KCNMA1: variants seen among roughly 807,000 people sequenced by gnomAD.
KCNMA1 encodes the protein potassium calcium-activated channel subfamily M alpha 1.
A neutral mutation model predicts 140.0 loss-of-function variants in KCNMA1; 29 were observed. That is an observed-to-expected ratio of 0.21 (90% CI 0.15 to 0.28). The LOEUF (loss-of-function observed/expected upper bound fraction) is 0.28. Among genes scored for constraint, KCNMA1 ranks in the 10% least tolerant of loss-of-function variants. KCNMA1 has a pLI of 1.00. For missense variants in KCNMA1, 880 were observed against 1,602.2 expected (o/e 0.55, Z 7.70); for synonymous variants, 612 against 611.9 (o/e 1.00, Z 0.00).
chr10:77,038,490 T>G (rs1265564135), intron 15 of KCNMA1, among the ~76,000 whole-genome samples: 1 of 152,194 alleles, frequency 6.6e-6, no homozygotes, highest in Non-Finnish European at 1.5e-5. Flanking sequence ...AGGGAGTTTG[T>G]GTTTTCAGAG....
chr10:76,920,018 G>GTCTATATATATATATA (rs1340604804), intron 23 of KCNMA1, among the ~76,000 whole-genome samples: 2 of 43,584 alleles, frequency 4.6e-5, no homozygotes, highest in Non-Finnish European at 8.1e-5. Context: ...GTGTGTGTGT[G>GTCTATATATATATATA]TGTATATATA....
intron 5 of KCNMA1, among the ~76,000 whole-genome samples, chr10:77,182,110 A>G (rs77135329): frequency 0.016 from 2,474 of 152,310 alleles, 66 homozygotes; most frequent in African/African-American, 0.056. Context: ...TAAGTTATCC[A>G]TCAATGTCTG....
At chr10:76,966,601 A>T (rs565179968) in intron 20 of KCNMA1, among the ~76,000 whole-genome samples, 2 of 152,314 alleles carry the variant, frequency 1.3e-5, no homozygotes, top group South Asian at 4.1e-4. Flanking sequence ...ATGAGGAAAG[A>T]CGTGGCTATC....
intron 1 of KCNMA1, among the ~76,000 whole-genome samples, chr10:77,600,950 A>G (rs1330376045): frequency 2.6e-5 from 4 of 152,130 alleles, no homozygotes; most frequent in Non-Finnish European, 5.9e-5. Context: ...AAACTGCCTA[A>G]CACAGTGACA....
At chr10:77,490,472 T>G (rs943054861) in intron 1 of KCNMA1, among the ~76,000 whole-genome samples, 1 of 152,222 alleles carries the variant, frequency 6.6e-6, no homozygotes, top group African/African-American at 2.4e-5. Flanking sequence ...TCACCCTGAT[T>G]GAAGGGAATG....
At chr10:77,283,450 T>C (rs1488293753) in intron 2 of KCNMA1, among the ~76,000 whole-genome samples, 1 of 152,324 alleles carries the variant, frequency 6.6e-6, no homozygotes, top group Non-Finnish European at 1.5e-5. Flanking sequence ...AGATGGTGCC[T>C]GTCAGGCACA....
chr10:77,337,964 A>G (rs1052550043), intron 2 of KCNMA1, among the ~76,000 whole-genome samples: 9 of 152,314 alleles, frequency 5.9e-5, no homozygotes, highest in Non-Finnish European at 1.2e-4. Context: ...GTTTCAGTAC[A>G]ACCTATACAG....
chr10:77,339,153 A>G (rs1374685311), intron 2 of KCNMA1, among the ~76,000 whole-genome samples: 1 of 151,874 alleles, frequency 6.6e-6, no homozygotes, highest in Non-Finnish European at 1.5e-5. Context: ...TAATGCTTAG[A>G]AAAGCTCCAT....
chr10:76,942,271 A>G (rs1003509682), intron 23 of KCNMA1, among the ~76,000 whole-genome samples: 1 of 152,120 alleles, frequency 6.6e-6, no homozygotes, highest in African/African-American at 2.4e-5. Flanking sequence ...GGCTTCTTTT[A>G]TAAGGACACC....
chr10:77,602,977 C>T (rs2083147877), intron 1 of KCNMA1, among the ~76,000 whole-genome samples: 1 of 152,190 alleles, frequency 6.6e-6, no homozygotes, highest in African/African-American at 2.4e-5. Context: ...TCTTCCTTCT[C>T]AGGGAAGCCG....
At chr10:77,345,747 C>T (rs1457524) in intron 2 of KCNMA1, among the ~76,000 whole-genome samples, 63,299 of 152,088 alleles carry the variant, frequency 0.42, 13,401 homozygotes, top group African/African-American at 0.48. Flanking sequence ...ATGGTTTACT[C>T]TGTTGTGATG....
Position 77,066,294 on chromosome 10 carries a change from G to A in KCNMA1, c.1749+6803C>T, listed in dbSNP as rs929462985. ...GAGTGCAGGTGGTGAGAAGTGCTCC[G>A]ATTCTGGGAATATTTTGAAACTTGA... On this transcript the variant is annotated intron_variant, in intron 14 of 27. Coordinates refer to ENST00000286628, the MANE Select transcript of KCNMA1 (RefSeq NM_001161352.2). Among the ~76,000 whole-genome samples the A allele has an allele frequency of 3.8e-4, 58 of 152,106 alleles. 2 individuals are homozygous for A. Among genetic ancestry groups the A allele is most frequent in the Admixed American group, 3.6e-3 (55 of 15,264 alleles).
At chr10:77,134,310 A>G (rs944504010) in intron 5 of KCNMA1, among the ~76,000 whole-genome samples, 33 of 152,284 alleles carry the variant, frequency 2.2e-4, no homozygotes, top group African/African-American at 7.9e-4. Flanking sequence ...ATGATACAAT[A>G]AGGATAAATT....
At chr10:77,477,405 C>A (rs976557003) in intron 1 of KCNMA1, among the ~76,000 whole-genome samples, 3 of 152,308 alleles carry the variant, frequency 2.0e-5, no homozygotes, top group South Asian at 2.1e-4. Flanking sequence ...TACCAAGGAA[C>A]CTTCTAGATG....
At chr10:77,211,819 T>C (rs1414452214) in intron 3 of KCNMA1, among the ~76,000 whole-genome samples, 1 of 152,122 alleles carries the variant, frequency 6.6e-6, no homozygotes, top group African/African-American at 2.4e-5. Context: ...AAAGAAGACA[T>C]ACAAGTGGCT....
At chr10:77,309,368 T>C (rs1167849487) in intron 2 of KCNMA1, 1 of 152,210 alleles carries the variant, frequency 6.6e-6, no homozygotes, top group East Asian at 1.9e-4. Flanking sequence ...AACAAGTTAG[T>C]ATAAGGAATT....
intron 1 of KCNMA1, among the ~76,000 whole-genome samples, chr10:77,562,174 G>A (rs1264829512): frequency 1.3e-5 from 2 of 152,192 alleles, no homozygotes; most frequent in Non-Finnish European, 2.9e-5. Context: ...TGATGTGCAT[G>A]CACGGGGCCC....
chr10:77,397,184 C>G (rs954136295), intron 2 of KCNMA1, among the ~76,000 whole-genome samples: 1 of 150,928 alleles, frequency 6.6e-6, no homozygotes, highest in Non-Finnish European at 1.5e-5. Flanking sequence ...GAGTCTGTAA[C>G]GCTCCTTTAC....
intron 2 of KCNMA1, among the ~76,000 whole-genome samples, chr10:77,382,980 G>GTA (rs2095464422): frequency 2.7e-5 from 2 of 73,002 alleles, no homozygotes; most frequent in African/African-American, 1.7e-4. Flanking sequence ...GTGTGTGTGT[G>GTA]TGTGTGTGTG....
Sources: allele counts gnomAD v4.1 joint callset (sites outside exome capture counted in the v4.1 genomes callset), GRCh38; gene constraint gnomAD v4.1.1; transcripts MANE v1.5; gene names NCBI Gene and HGNC (gene_info 2026-07-23, HGNC 2026-07-21).